Variants in FILIP1 observed in about 807,000 individuals in gnomAD.
FILIP1 encodes the protein filamin A interacting protein 1, also known as filamin-A-interacting protein 1.
Under a neutral mutation model 102.1 loss-of-function variants are expected in FILIP1, and 61 were observed. The observed-to-expected ratio is 0.60, with a 90% CI of 0.49 to 0.74. FILIP1 has a LOEUF of 0.74. FILIP1 is among the 30% of genes least tolerant of loss of function. The probability of loss-of-function intolerance (pLI) is 0.00; values close to 1 mark genes in which losing one functional copy is unlikely to be tolerated. For missense variants in FILIP1, 1,314 were observed against 1,441.2 expected (o/e 0.91, Z 1.43); for synonymous variants, 491 against 526.9 (o/e 0.93, Z 0.93).
chr6:75,439,644 TAAG>T (rs1412220120), intron 1 of FILIP1, among the ~76,000 whole-genome samples: 1 of 152,282 alleles, frequency 6.6e-6, no homozygotes, highest in African/African-American at 2.4e-5. Context: ...AATAGGACAC[TAAG>T]AAGAAGTTAG....
At position 75,311,533 on chromosome 6, in the gene FILIP1, G is replaced by A. The variant is rs142987245; in HGVS notation, c.3435+864C>T. 6.4e-3 allele frequency among the ~76,000 whole-genome samples: 970 copies of A among 152,156 alleles called. 11 individuals are homozygous for A. The highest frequency in any genetic ancestry group is 0.023 in the African/African-American group (937 of 41,484). ...TTTGTTTGAGATGGAGTCTTGCTCT[G>A]TCACCCAGGCTGGAGTGGCATGGCA... On this transcript the variant is annotated intron_variant, in intron 5 of 5. Coordinates refer to ENST00000237172, the MANE Select transcript of FILIP1 (RefSeq NM_015687.5).
intron 1 of FILIP1, among the ~76,000 whole-genome samples, chr6:75,424,346 A>G (rs764351433): frequency 1.3e-5 from 2 of 152,146 alleles, no homozygotes; most frequent in Non-Finnish European, 2.9e-5. Context: ...TATTCCAATA[A>G]AATTTTTTCT....
intron 2 of FILIP1, 140 bp downstream of exon 2, chr6:75,414,557 C>A: frequency 1.2e-6 from 1 of 801,944 alleles, no homozygotes. Context: ...TTGTGCCAGG[C>A]ACTAGGGATT....
chr6:75,296,093 C>A, intron 6 of FILIP1: 1 of 511,590 alleles, frequency 2.0e-6, no homozygotes, highest in South Asian at 5.2e-5. Context: ...TCCTGCATTA[C>A]TATTCTTGGG....
intron 4 of FILIP1, among the ~76,000 whole-genome samples, chr6:75,329,932 G>A (rs1485419683): frequency 6.6e-6 from 1 of 152,010 alleles, no homozygotes; most frequent in African/African-American, 2.4e-5. Context: ...TCCAATTATA[G>A]AATGTTACTT....
At chr6:75,351,085 A>C in intron 4 of FILIP1, among the ~76,000 whole-genome samples, 1 of 151,286 alleles carries the variant, frequency 6.6e-6, no homozygotes, top group East Asian at 1.9e-4. Flanking sequence ...TTTTTTTTGG[A>C]GACAGAGTTT....
intron 1 of FILIP1, among the ~76,000 whole-genome samples, chr6:75,477,335 G>A (rs1326376806): frequency 6.6e-6 from 1 of 152,076 alleles, no homozygotes; most frequent in Non-Finnish European, 1.5e-5. Context: ...AGGTAGACAG[G>A]AAGAATAAGT....
intron 1 of FILIP1, among the ~76,000 whole-genome samples, chr6:75,463,165 T>C (rs1308519237): frequency 2.0e-5 from 3 of 152,230 alleles, no homozygotes; most frequent in Admixed American, 1.3e-4. Context: ...TTCTGGCGTA[T>C]GTGCGGATCT....
At chr6:75,447,605 T>C (rs188835664) in intron 1 of FILIP1, among the ~76,000 whole-genome samples, 13 of 152,286 alleles carry the variant, frequency 8.5e-5, no homozygotes, top group Admixed American at 3.9e-4. Context: ...GTCTAGGGAA[T>C]AAAGAATAGT....
chr6:75,311,235 T>TG (rs1254105713), intron 5 of FILIP1, among the ~76,000 whole-genome samples: 25 of 151,366 alleles, frequency 1.7e-4, no homozygotes, highest in East Asian at 7.8e-4. Flanking sequence ...CAGGCTGGAG[T>TG]GCAGTGGCAT....
intron 1 of FILIP1, among the ~76,000 whole-genome samples, chr6:75,462,524 T>TA (rs1779054241): frequency 6.6e-6 from 1 of 152,098 alleles, no homozygotes; most frequent in East Asian, 1.9e-4. Context: ...TAATAAAAAA[T>TA]AATTGCAAAT....
intron 1 of FILIP1, among the ~76,000 whole-genome samples, chr6:75,484,157 A>C (rs1779721040): frequency 6.6e-6 from 1 of 152,258 alleles, no homozygotes; most frequent in South Asian, 2.1e-4. Flanking sequence ...AAAGTAATCA[A>C]AAATCCTTAA....
chr6:75,331,003 A>G (rs1304642172), intron 4 of FILIP1, among the ~76,000 whole-genome samples: 1 of 152,228 alleles, frequency 6.6e-6, no homozygotes, highest in Non-Finnish European at 1.5e-5. Context: ...TGAAAAGTTC[A>G]TGACTAATAA....
intron 1 of FILIP1, chr6:75,458,282 G>A (rs2808183): frequency 0.66 from 100,793 of 152,010 alleles, 34,044 homozygotes; most frequent in African/African-American, 0.77. Flanking sequence ...CAATACCTCC[G>A]ACAGCACATC....
intron 1 of FILIP1, chr6:75,455,355 CA>C (rs35583047): frequency 0.55 from 78,624 of 142,718 alleles, 21,480 homozygotes; most frequent in African/African-American, 0.69. Context: ...ACTTGAAAGA[CA>C]AAAAAAAAAA....
intron 1 of FILIP1, among the ~76,000 whole-genome samples, chr6:75,463,833 T>C (rs1326818561): frequency 1.3e-5 from 2 of 152,224 alleles, no homozygotes; most frequent in Non-Finnish European, 2.9e-5. Flanking sequence ...CCAGAGATGT[T>C]TGTAGATGGT....
chr6:75,419,588 C>T (rs1450752036), intron 1 of FILIP1, among the ~76,000 whole-genome samples: 1 of 152,142 alleles, frequency 6.6e-6, no homozygotes, highest in Non-Finnish European at 1.5e-5. Flanking sequence ...AGGCCTGCTG[C>T]AAGTGGAGCT....
intron 1 of FILIP1, among the ~76,000 whole-genome samples, chr6:75,437,902 G>A (rs974952935): frequency 6.6e-6 from 1 of 152,160 alleles, no homozygotes; most frequent in Non-Finnish European, 1.5e-5. Context: ...ATTAACTGTT[G>A]CATTTTTCAT....
intron 1 of FILIP1, among the ~76,000 whole-genome samples, chr6:75,418,308 A>G: frequency 6.6e-6 from 1 of 152,274 alleles, no homozygotes; most frequent in African/African-American, 2.4e-5. Flanking sequence ...ACACTCACAT[A>G]GCAATTTAAA....
Sources: allele counts gnomAD v4.1 joint callset (sites outside exome capture counted in the v4.1 genomes callset), GRCh38; gene constraint gnomAD v4.1.1; transcripts MANE v1.5; gene names NCBI Gene and HGNC (gene_info 2026-07-23, HGNC 2026-07-21).